ZNF439: variants seen among roughly 807,000 people sequenced by gnomAD.
ZNF439 encodes zinc finger protein 439.
A neutral mutation model predicts 47.3 loss-of-function variants in ZNF439; 40 were observed. That is an observed-to-expected ratio of 0.85 (90% CI 0.66 to 1.10). The LOEUF (loss-of-function observed/expected upper bound fraction) is 1.10. Ranked by LOEUF, ZNF439 falls within the 50% of genes least tolerant of loss-of-function variation. The probability of loss-of-function intolerance (pLI) is 0.00; values close to 1 mark genes in which losing one functional copy is unlikely to be tolerated. For synonymous variants in ZNF439, 171 were observed against 198.8 expected (o/e 0.86, Z 1.18); for missense variants, 556 against 601.1 (o/e 0.93, Z 0.78).
At chr19:11,862,604 T>C (rs1395642442) in intron 1 of ZNF439, among the ~76,000 whole-genome samples, 1 of 152,222 alleles carries the variant, frequency 6.6e-6, no homozygotes, top group East Asian at 1.9e-4. Flanking sequence ...CCACAGACTG[T>C]CTTTCAAATT....
At chr19:11,849,441 G>C in intron 1 of ZNF439, 1 of 396,530 alleles carries the variant, frequency 2.5e-6, no homozygotes, top group Non-Finnish European at 3.4e-6. Context: ...TCAGAGCCGA[G>C]TAGGAGAGAC....
chr19:11,849,499 G>C (rs2545822), intron 1 of ZNF439: 37,582 of 167,686 alleles, frequency 0.22, 4,692 homozygotes, highest in Non-Finnish European at 0.28. Flanking sequence ...TAAGTGGTCC[G>C]GAGGCGGCTC....
intron 1 of ZNF439, among the ~76,000 whole-genome samples, chr19:11,853,115 A>G (rs766457403): frequency 3.3e-5 from 5 of 150,682 alleles, no homozygotes; most frequent in African/African-American, 4.9e-5. Flanking sequence ...TTTTTAGTAG[A>G]GACTTGGTTT....
At chr19:11,851,419 C>T (rs998362109) in intron 1 of ZNF439, among the ~76,000 whole-genome samples, 1 of 152,092 alleles carries the variant, frequency 6.6e-6, no homozygotes, top group African/African-American at 2.4e-5. Flanking sequence ...GACATTCTGT[C>T]GTTGTGGGAG....
Position 11,867,378 on chromosome 19 carries a change from A to G in ZNF439, c.324A>G (p.Pro108=). The change falls in exon 4 of 4, where the codon CCA becomes CCG. Residue 108 remains proline (P), a synonymous_variant. Transcript: ENST00000682736. ...GTGGAGAAACTTTTACCCCAGTTCC[A>G]GATGACAGGCTGAACTTCCAGAAGA... ...SHCGETFTPV[P]DDRLNFQKKK... 6.2e-7 allele frequency: 1 copy of G among 1,613,998 alleles called. No individual in the cohort carries two copies. Among genetic ancestry groups the G allele is most frequent in the Admixed American group, 1.7e-5 (1 of 60,014 alleles).
At chr19:11,855,923 C>T (rs1174033953) in intron 1 of ZNF439, 3 of 152,198 alleles carry the variant, frequency 2.0e-5, no homozygotes, top group East Asian at 1.9e-4. Context: ...TGGGTTGTAC[C>T]GGAGGGACCA....
Position 11,849,196 on chromosome 19 carries a change from G to T in ZNF439, c.63+266G>T, listed in dbSNP as rs958937220. 9.3e-6 allele frequency: 10 copies of T among 1,072,124 alleles called. No homozygotes were observed. The African/African-American group carries it at 1.6e-4, about 17-fold the overall frequency. 66.4% of individuals were successfully genotyped at this position (1,072,124 alleles called of 1,614,324 possible). A position where few individuals can be genotyped will look rare whatever the true frequency, so the allele number is the denominator to read the frequency against. ...CGCAGCCCGACGCCCCAGCTTGTGC[G>T]GGGGCCACGGGAGGGTCATGCGCGG... On this transcript the variant is annotated intron_variant, in intron 1 of 3. Transcript: ENST00000682736.
At chr19:11,856,219 AATTTTAT>A (rs1241606545) in intron 1 of ZNF439, 1 of 152,204 alleles carries the variant, frequency 6.6e-6, no homozygotes, top group African/African-American at 2.4e-5. Context: ...GGCTAAATGT[AATTTTAT>A]TTGAGGTGGT....
rs539603618 is a variant in ZNF439 at position 11,855,021 on chromosome 19, G to A, written c.63+6091G>A. 3.3e-5 allele frequency among the ~76,000 whole-genome samples: 5 copies of A among 152,330 alleles called. No homozygotes were observed. The South Asian group carries it at 1.0e-3, about 32-fold the overall frequency. On this transcript the variant is annotated intron_variant, in intron 1 of 3. Transcript: ENST00000682736. ...GCTGCCATTCATAAATGAAGGTGCT[G>A]CCTTCCATAACGTCTTTTGGATTGG... is the stretch of plus-strand genomic sequence containing the variant.
At chr19:11,851,598 G>T (rs997859396) in intron 1 of ZNF439, among the ~76,000 whole-genome samples, 1 of 152,064 alleles carries the variant, frequency 6.6e-6, no homozygotes, top group African/African-American at 2.4e-5. Context: ...ATAGGGAAAC[G>T]GCAAATAAAT....
intron 1 of ZNF439, among the ~76,000 whole-genome samples, chr19:11,852,184 G>C (rs1976264745): frequency 6.6e-6 from 1 of 152,132 alleles, no homozygotes; most frequent in Non-Finnish European, 1.5e-5. Context: ...CCAGCACTTT[G>C]GGAGGCTGAG....
chr19:11,866,151 C>T (rs775618759), intron 1 of ZNF439, 54 bp from the exon 2 acceptor site: 5 of 1,611,726 alleles, frequency 3.1e-6, no homozygotes, highest in Non-Finnish European at 4.2e-6. Flanking sequence ...AGAGTCTAGG[C>T]CCCCAATGCT....
chr19:11,855,029 T>A (rs531031476), intron 1 of ZNF439, among the ~76,000 whole-genome samples: 18 of 152,348 alleles, frequency 1.2e-4, no homozygotes, highest in Non-Finnish European at 2.5e-4. Flanking sequence ...CTGCCTTCCA[T>A]AACGTCTTTT....
In ZNF439 at chr19:11,869,128, C is replaced by T. The variant is rs959630928; in HGVS notation, c.*559C>T. The T allele has an allele frequency of 3.2e-5, 7 of 216,090 alleles. No individual in the cohort carries two copies. Among genetic ancestry groups the T allele is most frequent in the Non-Finnish European group, 6.0e-5 (6 of 100,464 alleles). 13.4% of individuals were successfully genotyped at this position (216,090 alleles called of 1,614,324 possible). A position where few individuals can be genotyped will look rare whatever the true frequency, so the allele number is the denominator to read the frequency against. Reference sequence around the variant, plus strand: ...AATTGCTTTCATAGACATGTAAAGACACACCAGAAGGAAACCCTATGAATG... The same window carrying T: ...AATTGCTTTCATAGACATGTAAAGATACACCAGAAGGAAACCCTATGAATG... On this transcript the variant is annotated 3_prime_UTR_variant, in exon 4 of 4. Coordinates refer to ENST00000682736, the MANE Select transcript of ZNF439 (RefSeq NM_001348719.2).
Position 11,868,228 on chromosome 19 carries a change from T to C in ZNF439, c.1174T>C (p.Cys392Arg), listed in dbSNP as rs1420311401. 3.1e-6 allele frequency: 5 copies of C among 1,613,914 alleles called. No homozygotes were observed. Among genetic ancestry groups the C allele is most frequent in the African/African-American group, 2.7e-5 (2 of 74,880 alleles). The change falls in exon 4 of 4, where the codon TGT (cysteine) becomes CGT (arginine). Residue 392 changes from cysteine (C) to arginine (R), a missense_variant. Physicochemically the swap from Cys to Arg is radical, Grantham distance 180 (BLOSUM62 -3). Coordinates refer to ENST00000682736, the MANE Select transcript of ZNF439 (RefSeq NM_001348719.2). ...SGEKPYKCKQ[C>R]GKAFTRSGSF... ...AGAGAAACCGTATAAATGCAAGCAA[T>C]GTGGTAAAGCCTTCACTCGTTCCGG...
In ZNF439 at chr19:11,868,445, T is replaced by G; in HGVS notation, c.1391T>G (p.Ile464Ser). The change falls in exon 4 of 4, where the codon ATT (isoleucine) becomes AGT (serine). Residue 464 changes from isoleucine (I) to serine (S), a missense_variant. Ile to Ser is a moderately radical substitution (Grantham distance 142). Coordinates refer to ENST00000682736, the MANE Select transcript of ZNF439 (RefSeq NM_001348719.2). ...SASQLRIHRR[I>S]HTGEKPYECK... is the part of the protein sequence containing the mutation. Reference sequence around the variant, plus strand: ...TCACAACTTCGAATCCATCGTAGGATTCACACTGGAGAGAAACCCTATGAA... The same window carrying G: ...TCACAACTTCGAATCCATCGTAGGAGTCACACTGGAGAGAAACCCTATGAA... 2 of 1,611,536 alleles carry G rather than the reference T, an allele frequency of 1.2e-6. No homozygotes were observed. The highest frequency in any genetic ancestry group is 1.7e-6 in the Non-Finnish European group (2 of 1,179,212).
Position 11,868,552 on chromosome 19 carries a change from T to C in ZNF439, c.1498T>C (p.Trp500Arg), listed in dbSNP as rs758223719. 4 of 1,609,518 alleles carry C rather than the reference T, an allele frequency of 2.5e-6. No homozygotes were observed. The East Asian group carries it at 8.9e-5, about 36-fold the overall frequency. ...ERTQTHKNAL[W>R]RKTL ...GACACAAACACATAAGAATGCACTC[T>C]GGAGAAAGACCTTATAAATATAAGA... Residue 500 changes from tryptophan to arginine, a missense_variant, in exon 4 of 4, where the codon TGG becomes CGG. By Grantham distance (101) the Trp-to-Arg change is moderately radical (BLOSUM62 -3). Transcript: ENST00000682736.
intron 1 of ZNF439, among the ~76,000 whole-genome samples, chr19:11,854,688 G>A (rs1489683584): frequency 6.6e-6 from 1 of 152,046 alleles, no homozygotes; most frequent in Non-Finnish European, 1.5e-5. Context: ...AACCCAGGAG[G>A]CAGAGGTTGC....
Position 11,867,442 on chromosome 19 carries a change from G to A in ZNF439, c.388G>A (p.Val130Met), listed in dbSNP as rs550050001. The change falls in exon 4 of 4, where the codon GTG becomes ATG. Residue 130 changes from valine to methionine, a missense_variant. Transcript: ENST00000682736. ...SPEVKSCDSF[V>M]CEVGLGNSSS... ...TGAAGTAAAATCATGTGACAGCTTTGTGTGTGAAGTTGGCCTAGGTAACTC... is the reference window on the plus strand; with the variant it reads ...TGAAGTAAAATCATGTGACAGCTTTATGTGTGAAGTTGGCCTAGGTAACTC... The A allele has an allele frequency of 6.2e-7, 1 of 1,614,116 alleles. No homozygotes were observed. Among genetic ancestry groups the A allele is most frequent in the African/African-American group, 1.3e-5 (1 of 75,054 alleles).
Sources: gnomAD v4.1 joint callset for allele counts (sites outside exome capture counted in the v4.1 genomes callset) on GRCh38, gnomAD v4.1.1 for gene constraint, MANE v1.5 for transcripts, NCBI Gene and HGNC (gene_info 2026-07-23, HGNC 2026-07-21) for gene names.